Variants in HCN1 observed in about 807,000 individuals in gnomAD.
The protein encoded by HCN1 is potassium/sodium hyperpolarization-activated cyclic nucleotide-gated channel 1.
HCN1 carries 13 observed loss-of-function variants against 78.9 expected under a neutral mutation model. The ratio of observed to expected loss-of-function variants is 0.16; its 90% CI spans 0.11 to 0.26. HCN1 has a LOEUF of 0.26. Among genes scored for constraint, HCN1 ranks in the 10% least tolerant of loss-of-function variants. The probability of loss-of-function intolerance (pLI) is 1.00; values close to 1 mark genes in which losing one functional copy is unlikely to be tolerated. For synonymous variants in HCN1, 552 were observed against 455.5 expected, an observed-to-expected ratio of 1.21 and a Z score of -2.70; for missense variants, 810 against 1,154.3, an observed-to-expected ratio of 0.70 and a Z score of 4.32.
intron 2 of HCN1, among the ~76,000 whole-genome samples, chr5:45,507,387 A>C (rs1264531415): frequency 6.6e-6 from 1 of 152,144 alleles, no homozygotes; most frequent in African/African-American, 2.4e-5. Flanking sequence ...CCTTAGTCTG[A>C]GCATGGTTTC....
chr5:45,326,707 A>G (rs1201638974), intron 5 of HCN1, among the ~76,000 whole-genome samples: 3 of 151,658 alleles, frequency 2.0e-5, no homozygotes, highest in Non-Finnish European at 4.4e-5. Context: ...ATGAATTTTG[A>G]GATGTACAAA....
At chr5:45,382,297 T>C (rs1160992950) in intron 4 of HCN1, among the ~76,000 whole-genome samples, 1 of 152,166 alleles carries the variant, frequency 6.6e-6, no homozygotes, top group African/African-American at 2.4e-5. Flanking sequence ...TATGTTTTAG[T>C]ATTTACTACC....
chr5:45,273,900 T>C (rs1231908752), intron 6 of HCN1, among the ~76,000 whole-genome samples: 1 of 152,140 alleles, frequency 6.6e-6, no homozygotes, highest in African/African-American at 2.4e-5. Context: ...GCTTAAATCA[T>C]TTTGCGTATC....
intron 2 of HCN1, among the ~76,000 whole-genome samples, chr5:45,561,547 T>C (rs1281531874): frequency 6.6e-6 from 1 of 151,882 alleles, no homozygotes; most frequent in Non-Finnish European, 1.5e-5. Context: ...ATATTTAACA[T>C]TGCATAGAAA....
intron 2 of HCN1, chr5:45,575,848 C>T (rs1389148406): frequency 6.6e-6 from 1 of 151,908 alleles, no homozygotes; most frequent in Non-Finnish European, 1.5e-5. Flanking sequence ...ATTCTGCAGC[C>T]CATGCTTCAA....
intron 5 of HCN1, among the ~76,000 whole-genome samples, chr5:45,346,800 C>A (rs900376376): frequency 2.6e-5 from 4 of 152,176 alleles, no homozygotes; most frequent in Non-Finnish European, 4.4e-5. Flanking sequence ...AAGGCAGCAG[C>A]GAGGCTGCGG....
intron 2 of HCN1, among the ~76,000 whole-genome samples, chr5:45,606,720 T>C (rs976998440): frequency 6.6e-6 from 1 of 151,770 alleles, no homozygotes; most frequent in African/African-American, 2.4e-5. Flanking sequence ...AACAAACAAA[T>C]AAACCCCACT....
At chr5:45,479,772 C>A (rs1741608021) in intron 2 of HCN1, among the ~76,000 whole-genome samples, 1 of 152,126 alleles carries the variant, frequency 6.6e-6, no homozygotes, top group Admixed American at 6.6e-5. Flanking sequence ...TTGGAAATAT[C>A]CTGTAGGCAG....
chr5:45,643,932 G>T (rs1745500772), intron 2 of HCN1: 1 of 152,214 alleles, frequency 6.6e-6, no homozygotes, highest in African/African-American at 2.4e-5. Context: ...ATTACAAGAT[G>T]AATCTGATTT....
intron 5 of HCN1, among the ~76,000 whole-genome samples, chr5:45,340,691 T>C (rs1279191998): frequency 1.3e-5 from 2 of 152,158 alleles, no homozygotes; most frequent in Non-Finnish European, 2.9e-5. Context: ...TCAAAAAGCT[T>C]ATGGAAGGTG....
chr5:45,618,513 C>T (rs1012901063), intron 2 of HCN1, among the ~76,000 whole-genome samples: 19 of 151,984 alleles, frequency 1.3e-4, no homozygotes, highest in Non-Finnish European at 2.4e-4. Flanking sequence ...AAGATATTTG[C>T]TAGAGCAGTG....
intron 2 of HCN1, among the ~76,000 whole-genome samples, chr5:45,497,454 T>C (rs1579931698): frequency 6.6e-6 from 1 of 152,378 alleles, no homozygotes; most frequent in South Asian, 2.1e-4. Context: ...TACCATTATG[T>C]AATGGCCTTC....
intron 2 of HCN1, among the ~76,000 whole-genome samples, chr5:45,540,460 T>G (rs1033391752): frequency 6.6e-6 from 1 of 151,824 alleles, no homozygotes; most frequent in Non-Finnish European, 1.5e-5. Flanking sequence ...TCCCAAGTAG[T>G]TGGGACCACA....
At chr5:45,597,507 A>G (rs1056141009) in intron 2 of HCN1, among the ~76,000 whole-genome samples, 3 of 152,214 alleles carry the variant, frequency 2.0e-5, no homozygotes, top group Admixed American at 1.3e-4. Flanking sequence ...GAAAACTGGC[A>G]CAAGACAAGG....
At chr5:45,686,656 T>A (rs1424446023) in intron 1 of HCN1, among the ~76,000 whole-genome samples, 2 of 152,200 alleles carry the variant, frequency 1.3e-5, no homozygotes, top group Non-Finnish European at 2.9e-5. Flanking sequence ...TTCTTTTGTT[T>A]ATTTACTTGT....
At chr5:45,493,315 G>A (rs987768816) in intron 2 of HCN1, among the ~76,000 whole-genome samples, 15 of 151,682 alleles carry the variant, frequency 9.9e-5, no homozygotes, top group South Asian at 2.1e-4. Context: ...ATAATGAGGC[G>A]TCACGATCAT....
chr5:45,435,025 A>C (rs1398134761), intron 3 of HCN1, among the ~76,000 whole-genome samples: 6 of 152,062 alleles, frequency 3.9e-5, no homozygotes, highest in Non-Finnish European at 1.5e-5. Flanking sequence ...CACAAAGTCA[A>C]AGCTAATTAA....
chr5:45,597,577 G>C (rs913281931), intron 2 of HCN1, among the ~76,000 whole-genome samples: 1 of 152,098 alleles, frequency 6.6e-6, no homozygotes, highest in African/African-American at 2.4e-5. Context: ...AGGGCAATCA[G>C]GCAAGAGAAG....
intron 5 of HCN1, among the ~76,000 whole-genome samples, chr5:45,319,880 C>A (rs1746087175): frequency 6.6e-6 from 1 of 151,802 alleles, no homozygotes; most frequent in African/African-American, 2.4e-5. Context: ...CTTTAAGGTT[C>A]CTTTAGCACT....
Sources: allele counts gnomAD v4.1 joint callset (sites outside exome capture counted in the v4.1 genomes callset), GRCh38; gene constraint gnomAD v4.1.1; transcripts MANE v1.5; gene names NCBI Gene and HGNC (gene_info 2026-07-23, HGNC 2026-07-21).